The following NHEJ1 variants were observed in gnomAD, a reference collection of about 807,000 sequenced individuals.
NHEJ1 encodes non-homologous end joining factor 1, also known as non-homologous end-joining factor 1.
In NHEJ1, 22 loss-of-function variants were observed where a neutral mutation model predicts 39.4. The observed-to-expected ratio is 0.56, with a 90% CI of 0.40 to 0.80. The LOEUF is 0.80. Among genes scored for constraint, NHEJ1 ranks in the 30% least tolerant of loss-of-function variants. NHEJ1 has a pLI of 0.00. For synonymous variants in NHEJ1, 154 were observed against 135.6 expected (o/e 1.14, Z -0.94); for missense variants, 329 against 357.1 (o/e 0.92, Z 0.63).
At chr2:219,149,376 G>A (rs1949773775) in intron 3 of NHEJ1, among the ~76,000 whole-genome samples, 1 of 152,150 alleles carries the variant, frequency 6.6e-6, no homozygotes, top group Non-Finnish European at 1.5e-5. Context: ...AGCATTTTGG[G>A]AGGCCAACGT....
chr2:219,099,140 CTG>C (rs1559190393), intron 5 of NHEJ1, among the ~76,000 whole-genome samples: 3 of 152,122 alleles, frequency 2.0e-5, no homozygotes, highest in Non-Finnish European at 4.4e-5. Flanking sequence ...ATGTTTAAAA[CTG>C]AGAATATGGA....
chr2:219,158,315 T>C lies in NHEJ1; in HGVS notation c.48A>G (p.Leu16=), dbSNP rs753338064. The C allele has an allele frequency of 3.1e-6, 5 of 1,614,092 alleles. No individual in the cohort carries two copies. In the African/African-American group the frequency reaches 5.3e-5, roughly 17 times the overall value. The change falls in exon 2 of 8, where the codon CTA becomes CTG. Residue 16 remains leucine, a synonymous_variant. Coordinates refer to ENST00000356853, the MANE Select transcript of NHEJ1 (RefSeq NM_024782.3). ...QGLLMQPWAW[L]QLAENSLLAK... ...CCAAGAGGGAGTTCTCTGCAAGCTG[T>C]AGCCACGCCCATGGCTGCATCAACA...
intron 5 of NHEJ1, among the ~76,000 whole-genome samples, chr2:219,144,128 G>A (rs1269620859): frequency 1.3e-5 from 2 of 152,032 alleles, no homozygotes; most frequent in African/African-American, 4.8e-5. Context: ...TTGAACCCGG[G>A]AGGCAGAGAT....
chr2:219,105,691 G>A (rs953535131), intron 5 of NHEJ1, among the ~76,000 whole-genome samples: 3 of 151,994 alleles, frequency 2.0e-5, no homozygotes, highest in Admixed American at 6.5e-5. Context: ...CCTCTAATTA[G>A]GGAAATCTCA....
intron 5 of NHEJ1, among the ~76,000 whole-genome samples, chr2:219,145,874 G>A (rs906812071): frequency 4.0e-5 from 6 of 151,134 alleles, no homozygotes; most frequent in African/African-American, 1.2e-4. Context: ...GGAGGTTGCT[G>A]TGAGCCGAGA....
chr2:219,129,221 C>G (rs62191797), intron 5 of NHEJ1, among the ~76,000 whole-genome samples: 22,061 of 152,204 alleles, frequency 0.14, 2,080 homozygotes, highest in Middle Eastern at 0.32. Context: ...ATATGTAAAA[C>G]AGTGCACCTA....
At chr2:219,095,954 A>G (rs1307254946) in intron 5 of NHEJ1, among the ~76,000 whole-genome samples, 1 of 152,070 alleles carries the variant, frequency 6.6e-6, no homozygotes, top group Non-Finnish European at 1.5e-5. Context: ...GGAGACTCAT[A>G]TTAAGGGGCT....
intron 5 of NHEJ1, among the ~76,000 whole-genome samples, chr2:219,131,322 T>C (rs1402258121): frequency 3.3e-5 from 5 of 152,208 alleles, no homozygotes; most frequent in Non-Finnish European, 5.9e-5. Flanking sequence ...TTAGGGATGT[T>C]CAGAGTTTAG....
chr2:219,096,881 T>TA (rs1949213546), intron 5 of NHEJ1, among the ~76,000 whole-genome samples: 1 of 152,118 alleles, frequency 6.6e-6, no homozygotes, highest in African/African-American at 2.4e-5. Context: ...TGTTTTTACT[T>TA]AGAGTAAAAT....
chr2:219,145,368 T>C (rs775307961), intron 5 of NHEJ1, among the ~76,000 whole-genome samples: 12 of 152,218 alleles, frequency 7.9e-5, no homozygotes, highest in Non-Finnish European at 1.5e-4. Flanking sequence ...TTGCTTTTAG[T>C]GTTTAGACCC....
intron 5 of NHEJ1, among the ~76,000 whole-genome samples, chr2:219,097,490 T>C (rs774718914): frequency 1.3e-5 from 2 of 152,204 alleles, no homozygotes. Flanking sequence ...CTTGCTATAT[T>C]GTCCATGCTG....
intron 5 of NHEJ1, among the ~76,000 whole-genome samples, chr2:219,114,809 C>T (rs1293317141): frequency 1.3e-5 from 2 of 152,158 alleles, no homozygotes; most frequent in Non-Finnish European, 2.9e-5. Context: ...TGCTAGGAAG[C>T]ATCCCTCTAC....
intron 3 of NHEJ1, among the ~76,000 whole-genome samples, chr2:219,154,747 C>G (rs538271220): frequency 1.9e-4 from 29 of 151,706 alleles, no homozygotes; most frequent in Non-Finnish European, 3.5e-4. Context: ...CTATGGCAAA[C>G]CAAGACTCAT....
At chr2:219,097,910 GC>G (rs1949223875) in intron 5 of NHEJ1, among the ~76,000 whole-genome samples, 1 of 152,186 alleles carries the variant, frequency 6.6e-6, no homozygotes, top group Non-Finnish European at 1.5e-5. Context: ...CAACGACTGA[GC>G]CTTGGAGGTA....
At chr2:219,122,869 C>T (rs1490742573) in intron 5 of NHEJ1, among the ~76,000 whole-genome samples, 1 of 152,182 alleles carries the variant, frequency 6.6e-6, no homozygotes, top group African/African-American at 2.4e-5. Context: ...TGGCTAGGCC[C>T]AAAAAGTAGA....
intron 3 of NHEJ1, among the ~76,000 whole-genome samples, chr2:219,153,691 A>G (rs1949819685): frequency 4.9e-5 from 1 of 20,374 alleles, no homozygotes; most frequent in Non-Finnish European, 1.4e-4. Flanking sequence ...AAAGAAAGAA[A>G]AGGGGGGGGG....
chr2:219,100,951 A>T (rs541784583), intron 5 of NHEJ1, among the ~76,000 whole-genome samples: 90 of 152,336 alleles, frequency 5.9e-4, no homozygotes, highest in African/African-American at 2.1e-3. Flanking sequence ...CTTTAACTCC[A>T]ATCCCCCCCT....
At chr2:219,132,857 T>C (rs2106352059) in intron 5 of NHEJ1, among the ~76,000 whole-genome samples, 1 of 152,360 alleles carries the variant, frequency 6.6e-6, no homozygotes, top group African/African-American at 2.4e-5. Context: ...ATTTAGAATA[T>C]TCTTTGTAGA....
chr2:219,153,362 C>T (rs779692117), intron 3 of NHEJ1, among the ~76,000 whole-genome samples: 2 of 152,172 alleles, frequency 1.3e-5, no homozygotes, highest in Non-Finnish European at 2.9e-5. Flanking sequence ...AAACCTATCT[C>T]TTTCTTACAC....
Sources: allele counts gnomAD v4.1 joint callset (sites outside exome capture counted in the v4.1 genomes callset), GRCh38; gene constraint gnomAD v4.1.1; transcripts MANE v1.5; gene names NCBI Gene and HGNC (gene_info 2026-07-23, HGNC 2026-07-21).